The following NBEA variants were observed in gnomAD, a reference collection of about 807,000 sequenced individuals.
The protein encoded by NBEA is lysosomal-trafficking regulator 2.
Under a neutral mutation model 343.4 loss-of-function variants are expected in NBEA, and 44 were observed. The observed-to-expected ratio is 0.13, with a 90% CI of 0.10 to 0.16. The LOEUF is 0.16. Among genes scored for constraint, NBEA ranks in the 10% least tolerant of loss-of-function variants. The probability of loss-of-function intolerance (pLI) is 1.00; values close to 1 mark genes in which losing one functional copy is unlikely to be tolerated. For missense variants in NBEA, 2,555 were observed against 3,631.3 expected (o/e 0.70, Z 7.62); for synonymous variants, 1,175 against 1,238.7 (o/e 0.95, Z 1.08).
intron 17 of NBEA, among the ~76,000 whole-genome samples, chr13:35,125,109 TA>T (rs1008903289): frequency 2.0e-5 from 3 of 152,178 alleles, no homozygotes; most frequent in African/African-American, 7.2e-5. Context: ...CTGTTTGAGA[TA>T]GCCTATTTTC....
intron 17 of NBEA, among the ~76,000 whole-genome samples, chr13:35,134,576 TAA>T (rs1365783901): frequency 1.3e-5 from 2 of 151,972 alleles, no homozygotes; most frequent in African/African-American, 4.8e-5. Flanking sequence ...AGAAATTATC[TAA>T]AATTTTCTGT....
intron 1 of NBEA, among the ~76,000 whole-genome samples, chr13:35,017,540 G>A (rs1477394044): frequency 1.3e-5 from 2 of 152,114 alleles, no homozygotes; most frequent in African/African-American, 4.8e-5. Flanking sequence ...TGTGGTTTCA[G>A]TTTGTGTTTT....
chr13:35,306,392 A>C (rs928658263), intron 35 of NBEA, among the ~76,000 whole-genome samples: 2 of 151,742 alleles, frequency 1.3e-5, no homozygotes, highest in Non-Finnish European at 2.9e-5. Context: ...AAGATCCTCT[A>C]ATTTCTTTGT....
chr13:34,956,912 A>G (rs1458872692), intron 1 of NBEA, among the ~76,000 whole-genome samples: 3 of 152,072 alleles, frequency 2.0e-5, no homozygotes, highest in Non-Finnish European at 4.4e-5. Context: ...CGGCCTCCCA[A>G]AGTGTTGGGC....
At chr13:35,010,618 C>T (rs1389756145) in intron 1 of NBEA, among the ~76,000 whole-genome samples, 1 of 144,628 alleles carries the variant, frequency 6.9e-6, no homozygotes, top group Non-Finnish European at 1.5e-5. Context: ...CATGGTGGCT[C>T]GTGCCTGTAA....
intron 10 of NBEA, among the ~76,000 whole-genome samples, chr13:35,083,523 A>T (rs2064544263): frequency 6.6e-6 from 1 of 152,120 alleles, no homozygotes; most frequent in African/African-American, 2.4e-5. Flanking sequence ...TTCATAATTG[A>T]AGGAGTAATA....
chr13:35,444,427 TA>T (rs2045891475), intron 39 of NBEA, among the ~76,000 whole-genome samples: 1 of 152,020 alleles, frequency 6.6e-6, no homozygotes, highest in Non-Finnish European at 1.5e-5. Context: ...TAATGCACTT[TA>T]AAAAGTATTT....
At chr13:35,032,478 G>A (rs1159726974) in intron 1 of NBEA, among the ~76,000 whole-genome samples, 1 of 151,642 alleles carries the variant, frequency 6.6e-6, no homozygotes, top group South Asian at 2.1e-4. Flanking sequence ...CATGTCCTTT[G>A]CCCATTTTTT....
chr13:35,385,528 T>A (rs9565247), intron 38 of NBEA, among the ~76,000 whole-genome samples: 79,756 of 151,792 alleles, frequency 0.53, 23,818 homozygotes, highest in South Asian at 0.68. Flanking sequence ...GCAAGGCCCT[T>A]GTCTCTGCAA....
chr13:35,667,155 G>A (rs936025094), intron 56 of NBEA, among the ~76,000 whole-genome samples: 4 of 152,180 alleles, frequency 2.6e-5, no homozygotes, highest in African/African-American at 9.7e-5. Flanking sequence ...GTATCTACCT[G>A]GTGAAGAAGC....
Position 35,549,317 on chromosome 13 carries a change from T to A in NBEA, c.6586-1160T>A, listed in dbSNP as rs1032172426. 2.6e-5 allele frequency among the ~76,000 whole-genome samples: 4 copies of A among 152,292 alleles called. No individual in the cohort carries two copies. In the South Asian group the frequency reaches 6.2e-4, roughly 24 times the overall value. On this transcript the variant is annotated intron_variant, in intron 41 of 58. Coordinates refer to ENST00000379939, the MANE Select transcript of NBEA (RefSeq NM_001385012.1). The stretch of plus-strand genomic sequence containing the variant: ...TTCATAACTTGTTTTCAAATGTATA[T>A]ATGAATATAATGCATGTAAAATGAA...
At chr13:35,259,110 C>T (rs1006165251) in intron 34 of NBEA, among the ~76,000 whole-genome samples, 1 of 152,160 alleles carries the variant, frequency 6.6e-6, no homozygotes, top group Non-Finnish European at 1.5e-5. Context: ...CACTTACAAG[C>T]TTTTCCTTAA....
intron 34 of NBEA, among the ~76,000 whole-genome samples, chr13:35,288,045 T>C (rs1467476478): frequency 6.6e-6 from 1 of 151,942 alleles, no homozygotes; most frequent in Non-Finnish European, 1.5e-5. Flanking sequence ...TCCTTAGTAC[T>C]AACATTATAT....
At chr13:35,359,597 T>A (rs1414281084) in intron 38 of NBEA, among the ~76,000 whole-genome samples, 1 of 152,166 alleles carries the variant, frequency 6.6e-6, no homozygotes, top group African/African-American at 2.4e-5. Context: ...ACTTTAGCAT[T>A]TGAATTAATA....
chr13:35,644,074 G>A (rs1220010463), intron 49 of NBEA, among the ~76,000 whole-genome samples: 1 of 152,184 alleles, frequency 6.6e-6, no homozygotes, highest in Non-Finnish European at 1.5e-5. Context: ...AAATCAGAGG[G>A]TAAGGAATTA....
rs570511880 is a variant in NBEA, at chr13:34,947,272, G to A, written c.294+4158G>A. 5.9e-5 allele frequency among the ~76,000 whole-genome samples: 9 copies of A among 152,120 alleles called. No homozygotes were observed. The South Asian group carries it at 1.7e-3, about 28-fold the overall frequency. On this transcript the variant is annotated intron_variant, in intron 1 of 58. Coordinates refer to ENST00000379939, the MANE Select transcript of NBEA (RefSeq NM_001385012.1). Reference sequence around the variant, plus strand: ...GACACTAAGGCAGCAAATATTCTGTGGTCAGTCAACGATCAAGTTATATTA... The same window carrying A: ...GACACTAAGGCAGCAAATATTCTGTAGTCAGTCAACGATCAAGTTATATTA...
At chr13:34,995,501 A>T (rs1447174874) in intron 1 of NBEA, among the ~76,000 whole-genome samples, 1 of 152,128 alleles carries the variant, frequency 6.6e-6, no homozygotes, top group East Asian at 1.9e-4. Flanking sequence ...CAAACAAACC[A>T]AAAAACCCAA....
chr13:35,233,087 C>T (rs1478358748), intron 34 of NBEA, among the ~76,000 whole-genome samples: 1 of 152,074 alleles, frequency 6.6e-6, no homozygotes, highest in Non-Finnish European at 1.5e-5. Context: ...CCCATTGTCT[C>T]CTCAACAGCA....
chr13:35,627,507 C>T (rs1262065676), intron 48 of NBEA, among the ~76,000 whole-genome samples: 3 of 150,650 alleles, frequency 2.0e-5, no homozygotes, highest in Admixed American at 2.0e-4. Context: ...ATTTATATTT[C>T]TTTCCCATTA....
Sources: gnomAD v4.1 joint callset for allele counts (sites outside exome capture counted in the v4.1 genomes callset) on GRCh38, gnomAD v4.1.1 for gene constraint, MANE v1.5 for transcripts, NCBI Gene and HGNC (gene_info 2026-07-23, HGNC 2026-07-21) for gene names.